HDAC9: variants seen among roughly 807,000 people sequenced by gnomAD.
HDAC9 encodes the protein MEF-2 interacting transcription repressor (MITR) protein.
HDAC9 carries 41 observed loss-of-function variants against 139.4 expected under a neutral mutation model. That is an observed-to-expected ratio of 0.29 (90% CI 0.23 to 0.38). HDAC9 has a LOEUF of 0.38. Among genes scored for constraint, HDAC9 ranks in the 10% least tolerant of loss-of-function variants. The pLI is 1.00. For missense variants in HDAC9, 1,147 were observed against 1,297.0 expected, an observed-to-expected ratio of 0.88 and a Z score of 1.78; for synonymous variants, 517 against 476.2, an observed-to-expected ratio of 1.09 and a Z score of -1.12.
chr7:18,821,369 T>C (rs1794956507), intron 17 of HDAC9, among the ~76,000 whole-genome samples: 1 of 152,094 alleles, frequency 6.6e-6, no homozygotes, highest in South Asian at 2.1e-4. Flanking sequence ...ATGTTGGAGC[T>C]GAAATGTGTG....
At chr7:18,230,671 T>C (rs1240656204) in intron 2 of HDAC9, among the ~76,000 whole-genome samples, 2 of 152,202 alleles carry the variant, frequency 1.3e-5, no homozygotes, top group Admixed American at 6.5e-5. Context: ...TATGCAATGT[T>C]AATGGGTTTT....
At chr7:18,877,322 G>C (rs1022050723) in intron 22 of HDAC9, among the ~76,000 whole-genome samples, 33 of 152,192 alleles carry the variant, frequency 2.2e-4, no homozygotes, top group African/African-American at 7.2e-4. Context: ...TATTGCTTTG[G>C]TCGAAAAGTT....
chr7:18,205,487 A>C (rs796710373), intron 2 of HDAC9, among the ~76,000 whole-genome samples: 1 of 152,050 alleles, frequency 6.6e-6, no homozygotes, highest in Non-Finnish European at 1.5e-5. Context: ...TAAAAATGTA[A>C]TTATACTATA....
chr7:18,534,535 A>C (rs1383164837), intron 2 of HDAC9, among the ~76,000 whole-genome samples: 2 of 152,184 alleles, frequency 1.3e-5, no homozygotes, highest in Non-Finnish European at 1.5e-5. Flanking sequence ...TAACAGAATA[A>C]GACCTTGTCT....
chr7:18,727,706 G>C lies in HDAC9; in HGVS notation c.1858G>C (p.Val620Leu), dbSNP rs1785667050. Residue 620 changes from valine to leucine, a missense_variant, in exon 13 of 26, where the codon GTT (valine) becomes CTT (leucine). Physicochemically the swap from Val to Leu is conservative, Grantham distance 32. Coordinates refer to ENST00000686413, the MANE Select transcript of HDAC9 (RefSeq NM_178425.4). Reference protein sequence around the residue: ...SRTHSSPAASVLPHPAMDRPL... With the variant: ...SRTHSSPAASLLPHPAMDRPL... Reference sequence around the variant, plus strand: ...GACTCACTCTTCCCCTGCTGCCTCTGTTTTACCTCACCCAGCAATGGACCG... The same window carrying C: ...GACTCACTCTTCCCCTGCTGCCTCTCTTTTACCTCACCCAGCAATGGACCG... 2 of 1,578,878 alleles carry C rather than the reference G, an allele frequency of 1.3e-6. No homozygotes were observed. Among genetic ancestry groups the C allele is most frequent in the Middle Eastern group, 1.7e-4 (1 of 5,934 alleles).
intron 11 of HDAC9, among the ~76,000 whole-genome samples, chr7:18,657,125 A>T (rs1408069045): frequency 6.6e-6 from 1 of 152,026 alleles, no homozygotes; most frequent in Non-Finnish European, 1.5e-5. Flanking sequence ...TTAAAATCAG[A>T]TTATTAGATT....
chr7:18,356,940 A>G (rs1053182230), intron 1 of HDAC9, among the ~76,000 whole-genome samples: 7 of 152,148 alleles, frequency 4.6e-5, no homozygotes, highest in African/African-American at 1.7e-4. Context: ...TTATTAGTTT[A>G]TGTACAGTAG....
chr7:18,889,362 G>A (rs1465123289), intron 22 of HDAC9, among the ~76,000 whole-genome samples: 2 of 151,906 alleles, frequency 1.3e-5, no homozygotes, highest in East Asian at 3.9e-4. Context: ...ACTACTATGT[G>A]TCCCCAGGGG....
intron 2 of HDAC9, among the ~76,000 whole-genome samples, chr7:18,172,440 C>T (rs1164966299): frequency 6.6e-6 from 1 of 152,074 alleles, no homozygotes; most frequent in Admixed American, 6.5e-5. Flanking sequence ...TTTTTTATGT[C>T]TCTATCTCCT....
At chr7:18,925,845 G>T (rs917329690) in intron 22 of HDAC9, among the ~76,000 whole-genome samples, 2 of 151,068 alleles carry the variant, frequency 1.3e-5, no homozygotes, top group Non-Finnish European at 2.9e-5. Context: ...GTTCAAAAAG[G>T]ATACTAGATA....
chr7:18,461,136 A>G (rs1357089148), intron 1 of HDAC9, among the ~76,000 whole-genome samples: 2 of 152,180 alleles, frequency 1.3e-5, no homozygotes, highest in African/African-American at 4.8e-5. Flanking sequence ...ACATACATAC[A>G]CACATATATT....
At chr7:18,419,302 G>A (rs10248031) in intron 1 of HDAC9, among the ~76,000 whole-genome samples, 15,924 of 152,078 alleles carry the variant, frequency 0.1, 1,365 homozygotes, top group African/African-American at 0.23. Flanking sequence ...TGTATTAAGT[G>A]TATCATTCAG....
chr7:18,700,741 G>T (rs1350210901), intron 12 of HDAC9, among the ~76,000 whole-genome samples: 1 of 152,204 alleles, frequency 6.6e-6, no homozygotes, highest in East Asian at 1.9e-4. Flanking sequence ...GAATGCTAGG[G>T]CCTCTCTCCA....
At chr7:18,787,423 T>A (rs2129175393) in intron 16 of HDAC9, among the ~76,000 whole-genome samples, 1 of 152,334 alleles carries the variant, frequency 6.6e-6, no homozygotes, top group East Asian at 1.9e-4. Flanking sequence ...GGATGCCTAT[T>A]TCAAAACTGA....
chr7:18,623,554 A>T (rs895895948), intron 6 of HDAC9, among the ~76,000 whole-genome samples: 4 of 152,144 alleles, frequency 2.6e-5, no homozygotes, highest in Non-Finnish European at 5.9e-5. Flanking sequence ...AAGAACCAGG[A>T]TGTGTGGTAG....
intron 2 of HDAC9, among the ~76,000 whole-genome samples, chr7:18,554,439 C>T (rs1245665015): frequency 2.0e-5 from 3 of 149,036 alleles, no homozygotes; most frequent in Non-Finnish European, 4.4e-5. Flanking sequence ...GGGTTCACGC[C>T]ATTCTCCTGC....
chr7:18,455,749 A>G (rs1445086662), intron 1 of HDAC9, among the ~76,000 whole-genome samples: 1 of 152,180 alleles, frequency 6.6e-6, no homozygotes, highest in South Asian at 2.1e-4. Flanking sequence ...TAGAAGGTGA[A>G]TCTCCACCAT....
At chr7:18,404,972 C>T (rs1263607852) in intron 1 of HDAC9, among the ~76,000 whole-genome samples, 1 of 152,216 alleles carries the variant, frequency 6.6e-6, no homozygotes, top group Non-Finnish European at 1.5e-5. Context: ...GCAGGGTGCA[C>T]TCACACACAC....
chr7:18,153,790 C>G (rs1015360915), intron 1 of HDAC9, among the ~76,000 whole-genome samples: 1 of 152,128 alleles, frequency 6.6e-6, no homozygotes, highest in African/African-American at 2.4e-5. Flanking sequence ...GGGAGGGTGC[C>G]ATGTACCTCA....
Sources: gnomAD v4.1 joint callset for allele counts (sites outside exome capture counted in the v4.1 genomes callset) on GRCh38, gnomAD v4.1.1 for gene constraint, MANE v1.5 for transcripts, NCBI Gene and HGNC (gene_info 2026-07-23, HGNC 2026-07-21) for gene names.